Variants in ADGRD1 observed in about 807,000 individuals in gnomAD.
ADGRD1 encodes the protein adhesion G protein-coupled receptor D1, also known as G-protein coupled receptor 133.
ADGRD1 carries 77 observed loss-of-function variants against 113.4 expected under a neutral mutation model. The observed-to-expected ratio is 0.68, with a 90% confidence interval of 0.57 to 0.82. The LOEUF (loss-of-function observed/expected upper bound fraction) is 0.82, where lower values mean the gene tolerates loss of function less well. Ranked by LOEUF, ADGRD1 falls within the 40% of genes least tolerant of loss-of-function variation. ADGRD1 has a pLI of 0.00. For missense variants in ADGRD1, 1,036 were observed against 1,139.1 expected, an observed-to-expected ratio of 0.91 and a Z score of 1.30; for synonymous variants, 474 against 475.0, an observed-to-expected ratio of 1.00 and a Z score of 0.03.
chr12:131,039,761 GGCCCAGACTCAGCT>G (rs1434352333), intron 13 of ADGRD1, among the ~76,000 whole-genome samples: 1 of 152,232 alleles, frequency 6.6e-6, no homozygotes, highest in Non-Finnish European at 1.5e-5. Flanking sequence ...GCTGGGAAAG[GGCCCAGACTCAGCT>G]GGGCCCAAAC....
At chr12:131,021,632 C>T (rs1879332358) in intron 13 of ADGRD1, among the ~76,000 whole-genome samples, 2 of 152,180 alleles carry the variant, frequency 1.3e-5, no homozygotes, top group African/African-American at 4.8e-5. Flanking sequence ...CAAGGCCTCT[C>T]TCCTCGGCTT....
At chr12:130,956,983 A>G (rs1593250069) in intron 2 of ADGRD1, 2 of 152,504 alleles carry the variant, frequency 1.3e-5, no homozygotes, top group Admixed American at 6.5e-5. Flanking sequence ...CACATCAGAC[A>G]TGTTGACACA....
rs1288561935 is a variant in ADGRD1 at position 131,003,335 on chromosome 12, C to G, written c.1144+33C>G. On this transcript the variant is annotated intron_variant, in intron 10 of 24. Coordinates refer to ENST00000261654, the MANE Select transcript of ADGRD1 (RefSeq NM_198827.5). This position sits in a 1 kb window ranked among gnomAD's most constrained non-coding sequence, Gnocchi z 4.8. ...TCGCTTGTAAGGGTGAGCCACATGGCAGGGGCGGGGGCTGGAGGCTGCGTT... is the reference window on the plus strand; with the variant it reads ...TCGCTTGTAAGGGTGAGCCACATGGGAGGGGCGGGGGCTGGAGGCTGCGTT... 6.9e-7 allele frequency: 1 copy of G among 1,449,298 alleles called. No individual in the cohort carries two copies. The highest frequency in any genetic ancestry group is 2.3e-5 in the East Asian group (1 of 44,074). The allele number at this position is 1,449,298 out of a possible 1,614,324, so 89.8% of individuals were successfully genotyped here. A position where few individuals can be genotyped will look rare whatever the true frequency, so the allele number is the denominator to read the frequency against.
chr12:130,979,783 G>A (rs1015179448), intron 4 of ADGRD1, among the ~76,000 whole-genome samples: 1 of 148,694 alleles, frequency 6.7e-6, no homozygotes, highest in Non-Finnish European at 1.5e-5. Flanking sequence ...ATTTCCAGCT[G>A]TCAGGGGCAG....
At chr12:131,025,113 G>A (rs910343547) in intron 13 of ADGRD1, among the ~76,000 whole-genome samples, 7 of 152,216 alleles carry the variant, frequency 4.6e-5, no homozygotes, top group Non-Finnish European at 8.8e-5. Flanking sequence ...AAAAGAAAGC[G>A]TGGATTAAAA....
In ADGRD1 at chr12:131,138,222, C is replaced by T. The variant is rs765449848; in HGVS notation, c.2522C>T (p.Ser841Leu). 13 of 1,613,026 alleles carry T rather than the reference C, an allele frequency of 8.1e-6. No individual in the cohort carries two copies. Among genetic ancestry groups the T allele is most frequent in the South Asian group, 3.3e-5 (3 of 91,070 alleles). Residue 841 changes from serine to leucine, a missense_variant, in exon 24 of 25, where the codon TCG becomes TTG. Physicochemically the swap from Ser to Leu is moderately radical, Grantham distance 145. Coordinates refer to ENST00000261654, the MANE Select transcript of ADGRD1 (RefSeq NM_198827.5). ...ACCTCCAACGCGAAGCCCTTCCACTCGGACCTCGTGAGTGCAGCCTCCATA... is the reference window on the plus strand; with the variant it reads ...ACCTCCAACGCGAAGCCCTTCCACTTGGACCTCGTGAGTGCAGCCTCCATA... ...ARTSNAKPFH[S>L]DLMNGTRPGM...
chr12:131,039,751 G>A (rs1413112913), intron 13 of ADGRD1, among the ~76,000 whole-genome samples: 9 of 152,382 alleles, frequency 5.9e-5, no homozygotes, highest in African/African-American at 2.4e-5. Flanking sequence ...CCAGGCTCAC[G>A]CTGGGAAAGG....
Position 130,954,501 on chromosome 12 carries a change from C to A in ADGRD1, c.36C>A (p.Ser12=). The A allele has an allele frequency of 6.3e-7, 1 of 1,592,378 alleles. No homozygotes were observed. The highest frequency in any genetic ancestry group is 8.6e-7 in the Non-Finnish European group (1 of 1,167,676). ...EKLLRLCCWY[S]WLLLFYYNFQ... is the part of the protein sequence containing the mutation. ...TGCTGCGGCTGTGCTGCTGGTACTC[C>A]TGGCTGCTGCTATTTTATTACAACT... Residue 12 remains serine, a synonymous_variant, in exon 1 of 25, where the codon TCC becomes TCA. Transcript: ENST00000261654. This position sits in a 1 kb window ranked among gnomAD's most constrained non-coding sequence, Gnocchi z 4.7.
At chr12:131,129,143 C>T (rs1950830816) in intron 20 of ADGRD1, among the ~76,000 whole-genome samples, 1 of 139,400 alleles carries the variant, frequency 7.2e-6, no homozygotes, top group African/African-American at 2.7e-5. Flanking sequence ...GTGTGAGTGA[C>T]AGGCCCGCCC....
Position 131,132,322 on chromosome 12 carries a change from C to T in ADGRD1, c.2267+506C>T, listed in dbSNP as rs186165562. On this transcript the variant is annotated intron_variant, in intron 21 of 24. Transcript: ENST00000261654. Reference sequence around the variant, plus strand: ...TGGGCTGCCCCGCCTGGAGAAGGGGCGGGGTCTCTGGGAGGGATTCCAGCC... The same window carrying T: ...TGGGCTGCCCCGCCTGGAGAAGGGGTGGGGTCTCTGGGAGGGATTCCAGCC... 2.2e-4 allele frequency among the ~76,000 whole-genome samples: 34 copies of T among 152,210 alleles called. No homozygotes were observed. In the East Asian group the frequency reaches 6.4e-3, roughly 29 times the overall value.
At chr12:130,977,559 G>A (rs1324229905) in intron 4 of ADGRD1, 1 of 152,326 alleles carries the variant, frequency 6.6e-6, no homozygotes, top group Non-Finnish European at 1.5e-5. Flanking sequence ...GCTGGTCCGG[G>A]TGCCAGAACG....
At chr12:131,114,199 A>G (rs961299592) in intron 18 of ADGRD1, among the ~76,000 whole-genome samples, 2 of 152,174 alleles carry the variant, frequency 1.3e-5, no homozygotes, top group African/African-American at 4.8e-5. Flanking sequence ...AGGATGTTTT[A>G]TTTGATCTGC....
intron 13 of ADGRD1, among the ~76,000 whole-genome samples, chr12:131,068,226 C>A (rs1884877687): frequency 6.6e-6 from 1 of 152,324 alleles, no homozygotes; most frequent in Non-Finnish European, 1.5e-5. Context: ...GGCTGCACAC[C>A]TCAGCCTGCT....
chr12:131,121,089 C>T (rs763607032), intron 20 of ADGRD1, among the ~76,000 whole-genome samples, 176 bp downstream of exon 20: 9 of 152,324 alleles, frequency 5.9e-5, no homozygotes, highest in East Asian at 1.9e-4. Context: ...TCTTATTTCC[C>T]GGAATGCTCA....
intron 12 of ADGRD1, among the ~76,000 whole-genome samples, chr12:131,012,461 G>A (rs544612904): frequency 4.6e-5 from 7 of 152,150 alleles, no homozygotes; most frequent in Non-Finnish European, 8.8e-5. Flanking sequence ...ATGATCTGCA[G>A]GAAGTCGCTT....
chr12:131,008,528 T>C (rs1220338356), intron 12 of ADGRD1, among the ~76,000 whole-genome samples: 1 of 152,204 alleles, frequency 6.6e-6, no homozygotes, highest in African/African-American at 2.4e-5. Flanking sequence ...GAAGGAACTT[T>C]TGTCTCCACA....
intron 15 of ADGRD1, among the ~76,000 whole-genome samples, chr12:131,103,030 G>A (rs930891308): frequency 9.8e-5 from 15 of 152,356 alleles, no homozygotes; most frequent in Non-Finnish European, 1.8e-4. Context: ...CTGGAAGGGG[G>A]ATTCTTCCGT....
chr12:131,134,663 C>T (rs1186408843), intron 21 of ADGRD1, among the ~76,000 whole-genome samples: 3 of 152,220 alleles, frequency 2.0e-5, no homozygotes, highest in Non-Finnish European at 2.9e-5. Flanking sequence ...TTACAGGCAC[C>T]GGTTGCCCGG....
intron 9 of ADGRD1, among the ~76,000 whole-genome samples, chr12:131,001,067 A>G (rs1408802860): frequency 6.6e-6 from 1 of 152,186 alleles, no homozygotes. Flanking sequence ...CATCCTGGTC[A>G]TTTCATGTAA....
Sources: gnomAD v4.1 joint callset for allele counts (sites outside exome capture counted in the v4.1 genomes callset) on GRCh38, gnomAD v4.1.1 for gene constraint, Gnocchi (gnomAD v3.1) non-coding constraint, MANE v1.5 for transcripts, NCBI Gene and HGNC (gene_info 2026-07-23, HGNC 2026-07-21) for gene names.